Variants in PCDHGB7 observed in about 807,000 individuals in gnomAD.
The protein encoded by PCDHGB7 is protocadherin gamma-B7.
A neutral mutation model predicts 61.4 loss-of-function variants in PCDHGB7; 37 were observed. The observed-to-expected ratio is 0.60, with a 90% CI of 0.46 to 0.79. The LOEUF (loss-of-function observed/expected upper bound fraction) is 0.79, where lower values mean the gene tolerates loss of function less well. Ranked by LOEUF, PCDHGB7 falls within the 30% of genes least tolerant of loss-of-function variation. The pLI, the probability that PCDHGB7 is intolerant of heterozygous loss-of-function variation, is 0.00. For synonymous variants in PCDHGB7, 464 were observed against 503.5 expected, an observed-to-expected ratio of 0.92 and a Z score of 1.05; for missense variants, 1,166 against 1,202.5, an observed-to-expected ratio of 0.97 and a Z score of 0.45.
intron 1 of PCDHGB7, among the ~76,000 whole-genome samples, chr5:141,437,976 T>G (rs1182220385): frequency 1.3e-5 from 2 of 152,096 alleles, no homozygotes; most frequent in Non-Finnish European, 2.9e-5. Flanking sequence ...GATCTTGGGA[T>G]GCACCCACCC....
At chr5:141,488,208 C>T (rs2099672939) in intron 1 of PCDHGB7, among the ~76,000 whole-genome samples, 1 of 152,152 alleles carries the variant, frequency 6.6e-6, no homozygotes, top group African/African-American at 2.4e-5. Flanking sequence ...GGACTCATAT[C>T]AAGTCCCTAC....
chr5:141,453,021 A>G (rs1008711775), intron 1 of PCDHGB7, among the ~76,000 whole-genome samples: 1 of 152,200 alleles, frequency 6.6e-6, no homozygotes, highest in Non-Finnish European at 1.5e-5. Context: ...TATGTGATTC[A>G]TTAAAATAAA....
chr5:141,424,023 A>G (rs1391381195), intron 1 of PCDHGB7: 1 of 1,047,166 alleles, frequency 9.5e-7, no homozygotes, highest in Non-Finnish European at 1.2e-6. Context: ...TGATTCACAA[A>G]CACTTTTTAT....
intron 1 of PCDHGB7, among the ~76,000 whole-genome samples, chr5:141,443,016 G>T (rs1325670377): frequency 6.6e-6 from 1 of 152,204 alleles, no homozygotes; most frequent in East Asian, 1.9e-4. Context: ...TATGACTAAT[G>T]GAAGTTGCCA....
chr5:141,491,869 G>C lies in PCDHGB7; in HGVS notation c.2416-2938G>C. On this transcript the variant is annotated intron_variant, in intron 1 of 3. Transcript: ENST00000398594. This position sits in a 1 kb window ranked among gnomAD's most constrained non-coding sequence, Gnocchi z 6.9. ...GGACCGTTTGCGCGAAACCAGAGTG[G>C]CCGATTAAGGGATGGGGCTCCGAGC... The C allele has an allele frequency of 6.9e-7, 1 of 1,453,094 alleles. No homozygotes were observed. Among genetic ancestry groups the C allele is most frequent in the South Asian group, 1.5e-5 (1 of 68,080 alleles). 90.0% of individuals were successfully genotyped at this position (1,453,094 alleles called of 1,614,324 possible).
Position 141,432,229 on chromosome 5 carries a change from C to T in PCDHGB7, c.2415+11955C>T, listed in dbSNP as rs1246285803. Reference sequence around the variant, plus strand: ...AAGAGAACGCCCAGATCACTTATTCCCTGGCTGAGAACACCATCCAAGGGG... The same window carrying T: ...AAGAGAACGCCCAGATCACTTATTCTCTGGCTGAGAACACCATCCAAGGGG... On this transcript the variant is annotated intron_variant, in intron 1 of 3. Coordinates refer to ENST00000398594, the MANE Select transcript of PCDHGB7 (RefSeq NM_018927.4). The surrounding 1 kb of genome is among the most constrained non-coding windows in gnomAD (Gnocchi z 6.0). The T allele has an allele frequency of 6.2e-7, 1 of 1,614,232 alleles. No homozygotes were observed.
chr5:141,481,503 G>A (rs1006282101), intron 1 of PCDHGB7, among the ~76,000 whole-genome samples: 3 of 152,236 alleles, frequency 2.0e-5, no homozygotes, highest in African/African-American at 7.2e-5. Context: ...TGCATGGTAT[G>A]TGAATTATGT....
intron 1 of PCDHGB7, chr5:141,478,935 A>G: frequency 1.6e-6 from 1 of 638,574 alleles, no homozygotes. Flanking sequence ...GGCAGCTTCT[A>G]GGAATACAAA....
At chr5:141,421,489 G>A in intron 1 of PCDHGB7, 1 of 1,614,094 alleles carries the variant, frequency 6.2e-7, no homozygotes, top group Non-Finnish European at 8.5e-7. Flanking sequence ...CTTGATCACG[G>A]CAGGCAGGAT....
chr5:141,421,750 C>A lies in PCDHGB7; in HGVS notation c.2415+1476C>A, dbSNP rs766529731. On this transcript the variant is annotated intron_variant, in intron 1 of 3. Coordinates refer to ENST00000398594, the MANE Select transcript of PCDHGB7 (RefSeq NM_018927.4). ...CTCCCTCCAGAGCTACCAGCTCAGC[C>A]CTAATAATTACTTTTCCTTGCAACT... 4.3e-6 allele frequency: 7 copies of A among 1,613,788 alleles called. No individual in the cohort carries two copies. Among genetic ancestry groups the A allele is most frequent in the Non-Finnish European group, 5.9e-6 (7 of 1,179,864 alleles).
Position 141,418,902 on chromosome 5 carries a change from T to A in PCDHGB7, c.1043T>A (p.Ile348Asn). The change falls in exon 1 of 4, where the codon ATC becomes AAC. Residue 348 changes from isoleucine to asparagine, a missense_variant. Transcript: ENST00000398594. ...GAAAACGACAACAGCCCAGAAATAA[T>A]CATCACGTCACTCTCTGATCAGATT... ...VDENDNSPEI[I>N]ITSLSDQIME... is the part of the protein sequence containing the mutation. The A allele has an allele frequency of 1.9e-6, 3 of 1,613,930 alleles. No homozygotes were observed. The highest frequency in any genetic ancestry group is 2.5e-6 in the Non-Finnish European group (3 of 1,179,840).
intron 1 of PCDHGB7, chr5:141,479,478 G>T (rs760475025): frequency 2.6e-5 from 4 of 152,408 alleles, no homozygotes; most frequent in African/African-American, 9.6e-5. Context: ...TCTTGGGAGG[G>T]CAGGACCATC....
intron 1 of PCDHGB7, among the ~76,000 whole-genome samples, chr5:141,474,970 A>C (rs1309289477): frequency 6.6e-6 from 1 of 152,212 alleles, no homozygotes; most frequent in Admixed American, 6.5e-5. Context: ...TAATCATTAT[A>C]ATTTTGTTTG....
At chr5:141,455,103 C>T (rs1319698016) in intron 1 of PCDHGB7, among the ~76,000 whole-genome samples, 1 of 151,862 alleles carries the variant, frequency 6.6e-6, no homozygotes, top group South Asian at 2.1e-4. Flanking sequence ...TGAGCCACTG[C>T]GCCCGGTGGG....
At position 141,421,139 on chromosome 5, in the gene PCDHGB7, A is replaced by T. The variant is rs2096548615; in HGVS notation, c.2415+865A>T. Reference sequence around the variant, plus strand: ...TCCTTCGCTTTCTGATATATTTTGGATGTAGTCGGCCTAGGACTTCATAGA... The same window carrying T: ...TCCTTCGCTTTCTGATATATTTTGGTTGTAGTCGGCCTAGGACTTCATAGA... On this transcript the variant is annotated intron_variant, in intron 1 of 3. Transcript: ENST00000398594. 5 of 913,574 alleles carry T rather than the reference A, an allele frequency of 5.5e-6. No individual in the cohort carries two copies. The South Asian group carries it at 8.8e-5, about 16-fold the overall frequency. 56.6% of individuals were successfully genotyped at this position (913,574 alleles called of 1,614,324 possible). A position where few individuals can be genotyped will look rare whatever the true frequency, so the allele number is the denominator to read the frequency against.
Position 141,463,438 on chromosome 5 carries a change from CTTTTTTTTT to C in PCDHGB7, c.2416-31349_2416-31341del, listed in dbSNP as rs71576115. 5.5e-3 allele frequency among the ~76,000 whole-genome samples: 572 copies of C among 103,208 alleles called. 4 individuals carry two copies. The highest frequency in any genetic ancestry group is 8.7e-3 in the Non-Finnish European group (462 of 53,292). The allele number at this position is 103,208 out of a possible 152,430, so 67.7% of individuals were successfully genotyped here. On this transcript the variant is annotated intron_variant, in intron 1 of 3. Transcript: ENST00000398594. ...GTTTGCGGATCCTCATTTCCTTCTC[CTTTTTTTTT>C]TTTTTTTTTTTTTTTTTTTGAGATG...
chr5:141,505,633 A>C, intron 3 of PCDHGB7, 152 bp downstream of exon 3: 3 of 1,471,286 alleles, frequency 2.0e-6, no homozygotes, highest in South Asian at 1.3e-5. Context: ...TCCAAACATA[A>C]AGCCTGGAAT....
chr5:141,478,418 C>T, intron 1 of PCDHGB7: 1 of 1,613,650 alleles, frequency 6.2e-7, no homozygotes, highest in Non-Finnish European at 8.5e-7. Context: ...GGACTCCCGC[C>T]GCAGCGACCC....
intron 1 of PCDHGB7, among the ~76,000 whole-genome samples, chr5:141,483,432 A>G (rs756227206): frequency 2.0e-5 from 3 of 152,200 alleles, no homozygotes; most frequent in African/African-American, 4.8e-5. Flanking sequence ...GAGGGAGCTG[A>G]CTACAATAAA....
Sources: allele counts gnomAD v4.1 joint callset (sites outside exome capture counted in the v4.1 genomes callset), GRCh38; gene constraint gnomAD v4.1.1; non-coding constraint Gnocchi (gnomAD v3.1); transcripts MANE v1.5; gene names NCBI Gene and HGNC (gene_info 2026-07-23, HGNC 2026-07-21).